The following CLYBL variants were observed in gnomAD, a reference collection of about 807,000 sequenced individuals.
CLYBL encodes the protein citramalyl-CoA lyase.
A neutral mutation model predicts 38.9 loss-of-function variants in CLYBL; 31 were observed. That is an observed-to-expected ratio of 0.80 (90% CI 0.60 to 1.08). The LOEUF is 1.08. CLYBL is among the 50% of genes least tolerant of loss of function. The pLI, the probability that CLYBL is intolerant of heterozygous loss-of-function variation, is 0.00. For synonymous variants in CLYBL, 171 were observed against 158.6 expected (o/e 1.08, Z -0.59); for missense variants, 434 against 411.6 (o/e 1.05, Z -0.47).
chr13:99,654,772 G>A (rs1197593364), intron 1 of CLYBL, among the ~76,000 whole-genome samples: 1 of 152,192 alleles, frequency 6.6e-6, no homozygotes, highest in Non-Finnish European at 1.5e-5. Context: ...CTGGGAGGCT[G>A]AGGCGGGCTG....
intron 1 of CLYBL, among the ~76,000 whole-genome samples, chr13:99,682,544 C>A (rs965995572): frequency 6.6e-6 from 1 of 152,062 alleles, no homozygotes; most frequent in Non-Finnish European, 1.5e-5. Flanking sequence ...AAGGCTCTTA[C>A]CATGAATGGA....
rs74694961 is a variant in CLYBL at position 99,772,820 on chromosome 13, G to T, written c.63-4G>T. On this transcript the variant is annotated splice_region_variant and splice_polypyrimidine_tract_variant and intron_variant, in intron 1 of 8. Transcript: ENST00000339105. ...TGGACTAACCCCAATCACGTGTCTT[G>T]CAGGAAAGCGTCTCTAGCAGCTGAT... The T allele has an allele frequency of 0.011, 17,638 of 1,584,004 alleles. 223 individuals are homozygous for T. Among genetic ancestry groups the T allele is most frequent in the East Asian group, 0.073 (3,219 of 44,326 alleles).
rs1324938170 is a variant in CLYBL, at chr13:99,702,368, T to C, written c.63-70456T>C. Among the ~76,000 whole-genome samples, 17 of 152,082 alleles carry C rather than the reference T, an allele frequency of 1.1e-4. No homozygotes were observed. The East Asian group carries it at 1.2e-3, about 10-fold the overall frequency. ...GCTCACAGCCGGGCGCGGTGGCTCA[T>C]GCCTGTAATCCCAGCACTTTGGGAG... On this transcript the variant is annotated intron_variant, in intron 1 of 8. Coordinates refer to ENST00000339105, the MANE Select transcript of CLYBL (RefSeq NM_206808.5).
At position 99,772,970 on chromosome 13, in the gene CLYBL, C is replaced by G; in HGVS notation, c.209C>G (p.Ala70Gly). The part of the protein sequence containing the change: ...KKIPSLNVDC[A>G]VLDCEDGVAA... ...ATTCCATCCCTGAATGTAGATTGTGCAGTGCTCGACTGTGAGGATGGAGTG... is the reference window on the plus strand; with the variant it reads ...ATTCCATCCCTGAATGTAGATTGTGGAGTGCTCGACTGTGAGGATGGAGTG... Residue 70 changes from alanine to glycine, a missense_variant, in exon 2 of 9, where the codon GCA (alanine) becomes GGA (glycine). Coordinates refer to ENST00000339105, the MANE Select transcript of CLYBL (RefSeq NM_206808.5). 6.2e-7 allele frequency: 1 copy of G among 1,612,020 alleles called. No individual in the cohort carries two copies. Among genetic ancestry groups the G allele is most frequent in the South Asian group, 1.1e-5 (1 of 90,268 alleles).
intron 1 of CLYBL, among the ~76,000 whole-genome samples, chr13:99,729,843 G>A (rs1405655528): frequency 6.6e-6 from 1 of 152,222 alleles, no homozygotes; most frequent in East Asian, 1.9e-4. Flanking sequence ...CCCTGTGGCA[G>A]TGGGGCCCTT....
rs201223108 is a variant in CLYBL at position 99,858,991 on chromosome 13, G to A, written c.380G>A (p.Arg127Gln). 210 of 1,614,026 alleles carry A rather than the reference G, an allele frequency of 1.3e-4. No homozygotes were observed. The highest frequency in any genetic ancestry group is 9.8e-4 in the East Asian group (44 of 44,872). ...GACCTAGAGACCCTTTTGCAATCCC[G>A]GGTCCTTCCTTCCAGCCTGATGCTA... ...EEDLETLLQS[R>Q]VLPSSLMLPK... Residue 127 changes from arginine to glutamine, a missense_variant, in exon 3 of 9, where the codon CGG (arginine) becomes CAG (glutamine). Arg to Gln is a conservative substitution (Grantham distance 43, BLOSUM62 1). Coordinates refer to ENST00000339105, the MANE Select transcript of CLYBL (RefSeq NM_206808.5).
intron 1 of CLYBL, among the ~76,000 whole-genome samples, chr13:99,723,424 T>C (rs1193317919): frequency 6.6e-6 from 1 of 152,254 alleles, no homozygotes; most frequent in African/African-American, 2.4e-5. Context: ...TTTCTTCTTT[T>C]ATATTAAATG....
chr13:99,871,843 A>G (rs574773128), intron 7 of CLYBL, among the ~76,000 whole-genome samples: 1 of 152,266 alleles, frequency 6.6e-6, no homozygotes, highest in Non-Finnish European at 1.5e-5. Flanking sequence ...GGAAAGTTAC[A>G]TTTATAAATC....
chr13:99,828,371 G>A (rs764894728), intron 2 of CLYBL, among the ~76,000 whole-genome samples: 26 of 152,170 alleles, frequency 1.7e-4, no homozygotes, highest in South Asian at 4.2e-4. Context: ...CCATGGTAGC[G>A]ACAGCTGTTC....
intron 1 of CLYBL, among the ~76,000 whole-genome samples, chr13:99,716,384 T>TCTTTC (rs1180430255): frequency 1.4e-5 from 2 of 146,162 alleles, no homozygotes; most frequent in Non-Finnish European, 3.0e-5. Context: ...TATTTTTCTT[T>TCTTTC]CTTTTCTTTT....
At chr13:99,644,280 G>C (rs2047144160) in intron 1 of CLYBL, among the ~76,000 whole-genome samples, 2 of 152,040 alleles carry the variant, frequency 1.3e-5, no homozygotes, top group Non-Finnish European at 1.5e-5. Context: ...GTGTATGTAT[G>C]CATGTGCAAG....
intron 1 of CLYBL, among the ~76,000 whole-genome samples, chr13:99,691,939 C>T (rs77432615): frequency 1.7e-3 from 256 of 152,252 alleles, no homozygotes; most frequent in African/African-American, 5.5e-3. Context: ...CCATGTTGCA[C>T]GGAGCTCCCG....
chr13:99,889,339 CATT>C (rs1439048595), intron 7 of CLYBL, among the ~76,000 whole-genome samples: 1 of 152,200 alleles, frequency 6.6e-6, no homozygotes, highest in Admixed American at 6.5e-5. Context: ...TGGTCTTCAT[CATT>C]TACTCCAATA....
chr13:99,688,489 T>G (rs1206771962), intron 1 of CLYBL, among the ~76,000 whole-genome samples: 1 of 152,226 alleles, frequency 6.6e-6, no homozygotes, highest in Non-Finnish European at 1.5e-5. Context: ...AATATGTCAT[T>G]AAAATAATTT....
chr13:99,684,372 C>T (rs1310913820), intron 1 of CLYBL, among the ~76,000 whole-genome samples: 1 of 151,600 alleles, frequency 6.6e-6, no homozygotes, highest in East Asian at 1.9e-4. Context: ...CCACCGGGCC[C>T]GGCCCAGTAT....
intron 2 of CLYBL, among the ~76,000 whole-genome samples, chr13:99,842,637 C>CTAA (rs891348112): frequency 5.9e-5 from 9 of 152,032 alleles, no homozygotes; most frequent in African/African-American, 2.2e-4. Flanking sequence ...CAGGGCCAAC[C>CTAA]TAATATGAAC....
chr13:99,675,945 C>T (rs1183962124), intron 1 of CLYBL, among the ~76,000 whole-genome samples: 1 of 152,120 alleles, frequency 6.6e-6, no homozygotes, highest in Non-Finnish European at 1.5e-5. Flanking sequence ...CCTCCACCTC[C>T]CGGGTTCAAG....
At chr13:99,901,675 T>C (rs1169240441), downstream of CLYBL, among the ~76,000 whole-genome samples, 1 of 151,244 alleles carries the variant, frequency 6.6e-6, no homozygotes, top group Non-Finnish European at 1.5e-5. Context: ...TGTTTGTTTG[T>C]TTGAGATGGA....
intron 1 of CLYBL, among the ~76,000 whole-genome samples, chr13:99,733,479 T>C (rs1421002998): frequency 6.6e-6 from 1 of 152,240 alleles, no homozygotes; most frequent in South Asian, 2.1e-4. Context: ...TTTCCCTTGC[T>C]TTTTATCTTG....
Sources: allele counts gnomAD v4.1 joint callset (sites outside exome capture counted in the v4.1 genomes callset), GRCh38; gene constraint gnomAD v4.1.1; transcripts MANE v1.5; gene names NCBI Gene and HGNC (gene_info 2026-07-23, HGNC 2026-07-21).